TBC1D12: variants seen among roughly 807,000 people sequenced by gnomAD.
TBC1D12 encodes the protein TBC1 domain family, member 12.
TBC1D12 carries 56 observed loss-of-function variants against 86.7 expected under a neutral mutation model. The ratio of observed to expected loss-of-function variants is 0.65; its 90% CI spans 0.52 to 0.81. The LOEUF (loss-of-function observed/expected upper bound fraction) is 0.81, where lower values mean the gene tolerates loss of function less well. Among genes scored for constraint, TBC1D12 ranks in the 30% least tolerant of loss-of-function variants. TBC1D12 has a pLI of 0.00. For synonymous variants in TBC1D12, 421 were observed against 411.7 expected, an observed-to-expected ratio of 1.02 and a Z score of -0.27; for missense variants, 1,023 against 1,038.8, an observed-to-expected ratio of 0.98 and a Z score of 0.21.
In TBC1D12 at chr10:94,403,300, T is replaced by G; in HGVS notation, c.687T>G (p.Ser229Arg). The G allele has an allele frequency of 6.6e-7, 1 of 1,506,622 alleles. No homozygotes were observed. The highest frequency in any genetic ancestry group is 8.9e-7 in the Non-Finnish European group (1 of 1,129,002). 93.3% of individuals were successfully genotyped at this position (1,506,622 alleles called of 1,614,324 possible). A position where few individuals can be genotyped will look rare whatever the true frequency, so the allele number is the denominator to read the frequency against. ...ACAGCCCCGCCAGCAGCTGCAGCAG[T>G]AGCGAGGACTCAGAGCAGCGGGGAG... ...SGDSPASSCS[S>R]SEDSEQRGVG... The change falls in exon 1 of 13, where the codon AGT becomes AGG. Residue 229 changes from serine to arginine, a missense_variant. Transcript: ENST00000225235.
intron 9 of TBC1D12, among the ~76,000 whole-genome samples, chr10:94,520,149 T>C (rs535959191): frequency 6.6e-6 from 1 of 152,328 alleles, no homozygotes; most frequent in South Asian, 2.1e-4. Flanking sequence ...TTAAGAGAGA[T>C]AGCACCCTCT....
chr10:94,491,437 C>A (rs2056243339), intron 3 of TBC1D12, among the ~76,000 whole-genome samples: 1 of 152,110 alleles, frequency 6.6e-6, no homozygotes, highest in Non-Finnish European at 1.5e-5. Context: ...CAGTGTATTT[C>A]TTTTTGCATT....
intron 3 of TBC1D12, among the ~76,000 whole-genome samples, chr10:94,488,686 C>T (rs907560911): frequency 9.2e-5 from 14 of 151,828 alleles, no homozygotes; most frequent in South Asian, 4.2e-4. Context: ...GCTACCGGTC[C>T]GGCCTCCAAG....
At position 94,507,357 on chromosome 10, in the gene TBC1D12, C is replaced by CT. The variant is rs755231469; in HGVS notation, c.1600+17dup. ...GAGAATGATACAGAAGGTGTGATTT[C>CT]TTTTTTTAAATAAGAATTTTAGGAT... is the stretch of plus-strand genomic sequence containing the variant. On this transcript the variant is annotated intron_variant, in intron 7 of 12. Transcript: ENST00000225235. 27 of 1,584,856 alleles carry CT rather than the reference C, an allele frequency of 1.7e-5. No homozygotes were observed. The highest frequency in any genetic ancestry group is 2.2e-5 in the Non-Finnish European group (26 of 1,172,260).
chr10:94,496,325 G>T (rs1239942466), intron 4 of TBC1D12, among the ~76,000 whole-genome samples: 2 of 152,034 alleles, frequency 1.3e-5, no homozygotes, highest in African/African-American at 4.8e-5. Flanking sequence ...TTTTCAGAGA[G>T]ATATTTTCTT....
At chr10:94,406,714 T>TGG (rs2054858461) in intron 1 of TBC1D12, among the ~76,000 whole-genome samples, 2 of 152,252 alleles carry the variant, frequency 1.3e-5, no homozygotes, top group African/African-American at 2.4e-5. Flanking sequence ...AATGCATAGT[T>TGG]GCTATTCTCA....
At chr10:94,530,083 A>T (rs868505236) in intron 11 of TBC1D12, among the ~76,000 whole-genome samples, 9 of 152,300 alleles carry the variant, frequency 5.9e-5, no homozygotes, top group Non-Finnish European at 1.0e-4. Context: ...GGATTTTTTT[A>T]AAAATTATTT....
intron 1 of TBC1D12, among the ~76,000 whole-genome samples, chr10:94,422,128 A>G (rs1174533661): frequency 6.6e-6 from 1 of 151,992 alleles, no homozygotes; most frequent in African/African-American, 2.4e-5. Flanking sequence ...CACAGGCAGG[A>G]AAGTATAGAA....
At chr10:94,457,334 G>A (rs1169195545) in intron 2 of TBC1D12, among the ~76,000 whole-genome samples, 1 of 151,984 alleles carries the variant, frequency 6.6e-6, no homozygotes, top group African/African-American at 2.4e-5. Flanking sequence ...TCAACTTAAA[G>A]TGGGTTTTTT....
intron 3 of TBC1D12, among the ~76,000 whole-genome samples, chr10:94,487,088 G>C (rs765591761): frequency 1.3e-5 from 2 of 151,810 alleles, no homozygotes; most frequent in Non-Finnish European, 2.9e-5. Flanking sequence ...TACAGTTTTT[G>C]TCTTGAAGTC....
Position 94,402,776 on chromosome 10 carries a change from G to A in TBC1D12, c.163G>A (p.Glu55Lys). The change falls in exon 1 of 13, where the codon GAG (glutamate) becomes AAG (lysine). Residue 55 changes from glutamate to lysine, a missense_variant. Physicochemically the swap from Glu to Lys is moderately conservative, Grantham distance 56. Transcript: ENST00000225235. Reference protein sequence around the residue: ...AVEPPEEADEEEEADEEEETP... With the variant: ...AVEPPEEADEKEEADEEEETP... The stretch of plus-strand genomic sequence containing the variant: ...GGAGCCGCCGGAGGAGGCTGACGAG[G>A]AGGAGGAGGCTGACGAGGAGGAGGA... The A allele has an allele frequency of 3.3e-6, 5 of 1,529,064 alleles. No homozygotes were observed. Among genetic ancestry groups the A allele is most frequent in the Non-Finnish European group, 4.4e-6 (5 of 1,135,398 alleles). 94.7% of individuals were successfully genotyped at this position (1,529,064 alleles called of 1,614,324 possible).
At chr10:94,484,622 A>G (rs547580108) in intron 3 of TBC1D12, among the ~76,000 whole-genome samples, 122 of 152,054 alleles carry the variant, frequency 8.0e-4, no homozygotes, top group Admixed American at 1.5e-3. Flanking sequence ...TGTTTTTTCT[A>G]TTTCTGTGAA....
At chr10:94,435,482 T>C (rs139700720) in intron 1 of TBC1D12, among the ~76,000 whole-genome samples, 1 of 152,234 alleles carries the variant, frequency 6.6e-6, no homozygotes, top group East Asian at 1.9e-4. Context: ...TATTGTGTGA[T>C]AGATCTCATT....
chr10:94,511,743 T>C, intron 9 of TBC1D12, 89 bp downstream of exon 9: 2 of 887,854 alleles, frequency 2.3e-6, no homozygotes, highest in Non-Finnish European at 1.8e-6. Flanking sequence ...AGCTCCCAAA[T>C]GTCTGTATTT....
intron 11 of TBC1D12, among the ~76,000 whole-genome samples, chr10:94,530,904 G>A (rs1842403623): frequency 6.9e-6 from 1 of 143,890 alleles, no homozygotes; most frequent in Non-Finnish European, 1.5e-5. Context: ...TCTATCACCA[G>A]GCTGGAGTGC....
intron 5 of TBC1D12, among the ~76,000 whole-genome samples, chr10:94,498,090 A>C (rs1316423592): frequency 6.6e-6 from 1 of 152,150 alleles, no homozygotes; most frequent in African/African-American, 2.4e-5. Flanking sequence ...AAGTGCTGAG[A>C]TTACAGGCGT....
intron 9 of TBC1D12, among the ~76,000 whole-genome samples, chr10:94,518,422 G>T (rs879778219): frequency 1.3e-5 from 2 of 151,878 alleles, no homozygotes; most frequent in Non-Finnish European, 2.9e-5. Context: ...GTCATGTGTG[G>T]TATTTAGTTG....
At chr10:94,424,019 A>G (rs1351609775) in intron 1 of TBC1D12, among the ~76,000 whole-genome samples, 1 of 152,200 alleles carries the variant, frequency 6.6e-6, no homozygotes, top group Non-Finnish European at 1.5e-5. Context: ...AAATATAACT[A>G]TTTACATAGC....
intron 7 of TBC1D12, chr10:94,508,979 C>T (rs2056494751): frequency 6.6e-6 from 1 of 152,076 alleles, no homozygotes; most frequent in South Asian, 2.1e-4. Flanking sequence ...CTGCTCTTTC[C>T]TGTTAGGCAG....
Sources: gnomAD v4.1 joint callset for allele counts (sites outside exome capture counted in the v4.1 genomes callset) on GRCh38, gnomAD v4.1.1 for gene constraint, MANE v1.5 for transcripts, NCBI Gene and HGNC (gene_info 2026-07-23, HGNC 2026-07-21) for gene names.